COA6: variants seen among roughly 807,000 people sequenced by gnomAD.
COA6 encodes cytochrome c oxidase assembly factor 6 homolog.
In COA6, 12 loss-of-function variants were observed where a neutral mutation model predicts 17.1. The observed-to-expected ratio is 0.70, with a 90% CI of 0.45 to 1.14. The LOEUF (loss-of-function observed/expected upper bound fraction) is 1.14, where lower values mean the gene tolerates loss of function less well. Ranked by LOEUF, COA6 falls within the 50% of genes most tolerant of loss-of-function variation. The probability of loss-of-function intolerance (pLI) is 0.00; values close to 1 mark genes in which losing one functional copy is unlikely to be tolerated. For synonymous variants in COA6, 90 were observed against 73.4 expected, an observed-to-expected ratio of 1.23 and a Z score of -1.16; for missense variants, 246 against 196.5, an observed-to-expected ratio of 1.25 and a Z score of -1.51.
intron 2 of COA6, among the ~76,000 whole-genome samples, chr1:234,375,133 C>CAA (rs11341337): frequency 1.6e-5 from 2 of 128,440 alleles, no homozygotes; most frequent in South Asian, 2.7e-4. Context: ...ACTAAAAATA[C>CAA]AAAAAAAAAA....
intron 2 of COA6, among the ~76,000 whole-genome samples, chr1:234,383,090 G>A (rs1457495609): frequency 6.7e-6 from 1 of 149,568 alleles, no homozygotes; most frequent in East Asian, 2.0e-4. Context: ...AGGAAGGGAA[G>A]GGAAGTAAGA....
At chr1:234,379,039 C>T (rs1456375558) in intron 2 of COA6, among the ~76,000 whole-genome samples, 1 of 142,946 alleles carries the variant, frequency 7.0e-6, no homozygotes, top group Non-Finnish European at 1.5e-5. Flanking sequence ...GACAGTCTCA[C>T]TCTGTTGCCC....
At position 234,384,200 on chromosome 1, in the gene COA6, G is replaced by T. The variant is rs1194716412; in HGVS notation, c.*382G>T. Among the ~76,000 whole-genome samples, 3 of 151,852 alleles carry T rather than the reference G, an allele frequency of 2.0e-5. No homozygotes were observed. The highest frequency in any genetic ancestry group is 4.4e-5 in the Non-Finnish European group (3 of 67,964). ...AACAACCCAAGTGAGAAATGATGAG[G>T]GTTTGTGGAAGGTTTATAAGGAAGA... On this transcript the variant is annotated 3_prime_UTR_variant, in exon 3 of 3. Transcript: ENST00000366615.
At chr1:234,374,106 G>GT (rs1658708112) in intron 1 of COA6, 124 bp from the exon 2 acceptor site, 11 of 997,644 alleles carry the variant, frequency 1.1e-5, no homozygotes, top group South Asian at 3.5e-5. Flanking sequence ...GTTTTGTTTT[G>GT]TTTTTGTTTT....
At position 234,383,873 on chromosome 1, in the gene COA6, CT is replaced by C; in HGVS notation, c.*56del. On this transcript the variant is annotated 3_prime_UTR_variant, in exon 3 of 3. Transcript: ENST00000366615. ...CTGGACATTGAAAAAGCTCCACTGA[CT>C]ATGGAACAGTAATAGTTTGAATCAT... 2.3e-6 allele frequency: 2 copies of C among 859,018 alleles called. No individual in the cohort carries two copies. The highest frequency in any genetic ancestry group is 3.9e-6 in the Non-Finnish European group (2 of 518,582). The allele number at this position is 859,018 out of a possible 1,614,324, so 53.2% of individuals were successfully genotyped here.
chr1:234,377,133 T>TGTTGTTG lies in COA6; in HGVS notation c.372+2744_372+2745insGTTGTTG, dbSNP rs1553268493. On this transcript the variant is annotated intron_variant, in intron 2 of 2. Transcript: ENST00000366615. ...CTCTGTCTCCTCTTTTTTTGTTTTTTTTGTTGTTGTTGAGACAGAGTCTCA... is the reference window on the plus strand; with the variant it reads ...CTCTGTCTCCTCTTTTTTTGTTTTTTGTTGTTGTTGTTGTTGTTGAGACAGAGTCTCA... Among the ~76,000 whole-genome samples, 43 of 69,572 alleles carry TGTTGTTG rather than the reference T, an allele frequency of 6.2e-4. 3 individuals carry two copies. Among genetic ancestry groups the TGTTGTTG allele is most frequent in the Admixed American group, 1.3e-3 (9 of 6,836 alleles). The allele number at this position is 69,572 out of a possible 152,430, so 45.6% of individuals were successfully genotyped here. A position where few individuals can be genotyped will look rare whatever the true frequency, so the allele number is the denominator to read the frequency against.
Position 234,373,634 on chromosome 1 carries a change from C to T in COA6, c.168C>T (p.Ser56=), listed in dbSNP as rs779043077. 3 of 1,613,242 alleles carry T rather than the reference C, an allele frequency of 1.9e-6. No individual in the cohort carries two copies. Among genetic ancestry groups the T allele is most frequent in the Non-Finnish European group, 1.7e-6 (2 of 1,179,526 alleles). The change falls in exon 1 of 3, where the codon TCC becomes TCT. Residue 56 remains serine, a synonymous_variant. Transcript: ENST00000366615. ...HRRLVACVTV[S]SRRHRKEAGR... is the part of the protein sequence containing the mutation. ...GGTTGGTGGCCTGCGTGACAGTTTC[C>T]TCCCGTCGACATCGAAAGGAAGCCG...
rs1012164950 is a variant in COA6, at chr1:234,384,749, T to G, written c.*931T>G. On this transcript the variant is annotated 3_prime_UTR_variant, in exon 3 of 3. Transcript: ENST00000366615. ...GATTCAACCCCGAAGAGAAAATTTT[T>G]GGGAAAAGGAAAAACGAGTAAAAAT... Among the ~76,000 whole-genome samples the G allele has an allele frequency of 6.6e-6, 1 of 152,160 alleles. No individual in the cohort carries two copies. The highest frequency in any genetic ancestry group is 6.5e-5 in the Admixed American group (1 of 15,276).
intron 2 of COA6, among the ~76,000 whole-genome samples, chr1:234,380,735 T>C (rs1224940105): frequency 3.3e-5 from 5 of 152,220 alleles, no homozygotes; most frequent in African/African-American, 9.6e-5. Context: ...TTGAAAGTCT[T>C]CTGGGATTAT....
chr1:234,381,379 T>C lies in COA6; in HGVS notation c.373-2344T>C, dbSNP rs557054912. 2.1e-4 allele frequency among the ~76,000 whole-genome samples: 32 copies of C among 152,210 alleles called. 2 individuals carry two copies. The South Asian group carries it at 6.6e-3, about 32-fold the overall frequency. On this transcript the variant is annotated intron_variant, in intron 2 of 2. Coordinates refer to ENST00000366615, the MANE Select transcript of COA6 (RefSeq NM_001206641.3). ...AGGGAGGAGAGCTTTCCAGGCAGAA[T>C]GTGGTAATATGCAAAGGCATGGAAT...
intron 2 of COA6, among the ~76,000 whole-genome samples, chr1:234,383,373 G>A (rs967678829): frequency 5.5e-5 from 8 of 146,536 alleles, no homozygotes; most frequent in African/African-American, 7.6e-5. Context: ...ATCACACACT[G>A]GGGCCTGTTG....
chr1:234,374,092 C>T, intron 1 of COA6, 138 bp from the exon 2 acceptor site: 1 of 1,052,808 alleles, frequency 9.5e-7, no homozygotes, highest in Non-Finnish European at 1.3e-6. Context: ...AATCCCTAAG[C>T]ATGGTTTTGT....
intron 1 of COA6, 167 bp downstream of exon 1, chr1:234,373,845 G>T (rs1658692553): frequency 3.1e-6 from 5 of 1,613,008 alleles, no homozygotes; most frequent in African/African-American, 1.3e-5. Flanking sequence ...GCTTAGGTTC[G>T]AACAGTAACC....
At chr1:234,380,544 A>C (rs772825923) in intron 2 of COA6, among the ~76,000 whole-genome samples, 2 of 152,240 alleles carry the variant, frequency 1.3e-5, no homozygotes, top group Non-Finnish European at 2.9e-5. Context: ...AAAAAATAGC[A>C]CCACCAAATT....
chr1:234,382,801 T>G (rs1205831071), intron 2 of COA6, among the ~76,000 whole-genome samples: 2 of 151,958 alleles, frequency 1.3e-5, no homozygotes, highest in African/African-American at 2.4e-5. Context: ...GGTCAGGAGT[T>G]CGAGACCAGC....
rs61077059 is a variant in COA6 at position 234,374,112 on chromosome 1, GTTT to G, written c.213-103_213-101del. The G allele has an allele frequency of 1.5e-3, 1,280 of 860,120 alleles. 5 individuals carry two copies. Among genetic ancestry groups the G allele is most frequent in the East Asian group, 0.013 (450 of 34,868 alleles). The allele number at this position is 860,120 out of a possible 1,614,324, so 53.3% of individuals were successfully genotyped here. ...CTAAGCATGGTTTTGTTTTGTTTTT[GTTT>G]TTTTTTTTTTTTTTAGTTTTAAAGG... On this transcript the variant is annotated intron_variant, in intron 1 of 2. Transcript: ENST00000366615.
intron 1 of COA6, 180 bp from the exon 2 acceptor site, chr1:234,374,050 T>C (rs1658705776): frequency 1.0e-5 from 9 of 876,726 alleles, no homozygotes; most frequent in Admixed American, 2.9e-5. Context: ...ATGCTGCCAC[T>C]GAGAACTGAT....
intron 2 of COA6, among the ~76,000 whole-genome samples, chr1:234,381,093 A>C (rs372831729): frequency 1.3e-5 from 2 of 152,378 alleles, no homozygotes; most frequent in African/African-American, 4.8e-5. Flanking sequence ...TTCCACAAAC[A>C]GAGCAACCAG....
chr1:234,378,900 CAAAA>C (rs572194220), intron 2 of COA6, among the ~76,000 whole-genome samples: 19 of 146,436 alleles, frequency 1.3e-4, no homozygotes, highest in African/African-American at 1.8e-4. Flanking sequence ...ACAAAACAAA[CAAAA>C]AAAGCAACAA....
Sources: gnomAD v4.1 joint callset for allele counts (sites outside exome capture counted in the v4.1 genomes callset) on GRCh38, gnomAD v4.1.1 for gene constraint, MANE v1.5 for transcripts, NCBI Gene and HGNC (gene_info 2026-07-23, HGNC 2026-07-21) for gene names.